Variants in TBC1D8B observed in about 807,000 individuals in gnomAD.
The protein encoded by TBC1D8B is TBC1 domain family member 8B, also known as RP11-321G1.1.
In TBC1D8B, 75 loss-of-function variants were observed where a neutral mutation model predicts 82.9. The observed-to-expected ratio is 0.90, with a 90% CI of 0.75 to 1.10. TBC1D8B has a LOEUF of 1.10. Ranked by LOEUF, TBC1D8B falls within the 50% of genes least tolerant of loss-of-function variation. The pLI is 0.00. For missense variants in TBC1D8B, 794 were observed against 796.9 expected (o/e 1.00, Z 0.04); for synonymous variants, 276 against 276.8 (o/e 1.00, Z 0.03).
At chrX:106,819,586 G>A (rs1931640436) in intron 2 of TBC1D8B, among the ~76,000 whole-genome samples, 1 of 110,841 alleles carries the variant, frequency 9.0e-6, no homozygotes, top group Non-Finnish European at 1.9e-5. Flanking sequence ...ACATTCATAT[G>A]TGTGAACATA....
chrX:106,871,890 G>A (rs1019439560), intron 20 of TBC1D8B, among the ~76,000 whole-genome samples: 1 of 111,767 alleles, frequency 8.9e-6, no homozygotes, highest in African/African-American at 3.3e-5. Flanking sequence ...CACAGGGCGA[G>A]GTCTGGAAGG....
rs368847725 is a variant in TBC1D8B at position 106,850,090 on chromosome X, C to G, written c.1903C>G (p.His635Asp). The change falls in exon 12 of 21, where the codon CAC (histidine) becomes GAC (aspartate). Residue 635 changes from histidine to aspartate, a missense_variant. His to Asp is a moderately conservative substitution (Grantham distance 81, BLOSUM62 -1). Transcript: ENST00000357242. ...IRDHLPQLTE[H>D]MTDMTFFSSV... ...GGATCACCTTCCTCAGCTGACAGAA[C>G]ACATGACTGATATGACATTCTTTTC... 2.5e-6 allele frequency: 3 copies of G among 1,209,559 alleles called. No homozygotes were observed. In the African/African-American group the frequency reaches 5.2e-5, roughly 21 times the overall value.
chrX:106,811,800 G>A (rs1048980570), intron 1 of TBC1D8B, among the ~76,000 whole-genome samples: 13 of 111,444 alleles, frequency 1.2e-4, no homozygotes, highest in African/African-American at 4.2e-4. Flanking sequence ...GTAAGAAGTG[G>A]CTGTAAATAT....
rs954135719 is a variant in TBC1D8B at position 106,875,397 on chromosome X, G to A, written c.*1432G>A. On this transcript the variant is annotated 3_prime_UTR_variant, in exon 21 of 21. Coordinates refer to ENST00000357242, the MANE Select transcript of TBC1D8B (RefSeq NM_017752.3). ...AAAGCTTAACACATGGGGCTTCATC[G>A]CTCATAGAATATGTTATTTTCAAAG... is the stretch of plus-strand genomic sequence containing the variant. The A allele has an allele frequency of 9.0e-6, 1 of 111,730 alleles. No homozygotes were observed. The highest frequency in any genetic ancestry group is 4.3e-3 in the Middle Eastern group (1 of 235). 9.2% of individuals were successfully genotyped at this position (111,730 alleles called of 1,213,427 possible).
At chrX:106,864,673 C>T (rs985432461) in intron 14 of TBC1D8B, among the ~76,000 whole-genome samples, 7 of 110,121 alleles carry the variant, frequency 6.4e-5, no homozygotes, top group Non-Finnish European at 9.5e-5. Context: ...CATACGCCAC[C>T]ACACCTGGCT....
Position 106,850,024 on chromosome X carries a change from G to C in TBC1D8B, c.1838-1G>C, listed in dbSNP as rs1197781814. 8.5e-7 allele frequency: 1 copy of C among 1,179,417 alleles called. No homozygotes were observed. The highest frequency in any genetic ancestry group is 1.1e-6 in the Non-Finnish European group (1 of 881,922). On this transcript the variant is annotated splice_acceptor_variant, in intron 11 of 20. Transcript: ENST00000357242. LOFTEE classifies it high-confidence loss of function. ...TTTAAACTTCTTTTGATATTCTGTAGGTGCCTTGGTGGATCAGGCAGTCTT... is the reference window on the plus strand; with the variant it reads ...TTTAAACTTCTTTTGATATTCTGTACGTGCCTTGGTGGATCAGGCAGTCTT...
At chrX:106,869,843 A>G (rs1174191329) in intron 19 of TBC1D8B, among the ~76,000 whole-genome samples, 2 of 112,172 alleles carry the variant, frequency 1.8e-5, no homozygotes, top group Non-Finnish European at 3.8e-5. Context: ...ATCTATTCCT[A>G]TGTATACACA....
chrX:106,832,140 T>A (rs1932063686), intron 7 of TBC1D8B, among the ~76,000 whole-genome samples: 1 of 110,982 alleles, frequency 9.0e-6, no homozygotes, highest in African/African-American at 3.3e-5. Context: ...TTATTTTAAA[T>A]CTCCAAGAGT....
At chrX:106,867,545 T>G (rs1234002229) in intron 17 of TBC1D8B, among the ~76,000 whole-genome samples, 1 of 111,786 alleles carries the variant, frequency 8.9e-6, no homozygotes, top group Non-Finnish European at 1.9e-5. Context: ...ACCACACCAT[T>G]CAGTTTACTT....
rs1315606057 is a variant in TBC1D8B at position 106,850,080 on chromosome X, G to T, written c.1893G>T (p.Gln631His). The T allele has an allele frequency of 8.3e-7, 1 of 1,208,777 alleles. No homozygotes were observed. The highest frequency in any genetic ancestry group is 1.1e-6 in the Non-Finnish European group (1 of 894,721). Reference protein sequence around the residue: ...FEELIRDHLPQLTEHMTDMTF... With the variant: ...FEELIRDHLPHLTEHMTDMTF... ...AACTTATCAGGGATCACCTTCCTCA[G>T]CTGACAGAACACATGACTGATATGA... Residue 631 changes from glutamine (Q) to histidine (H), a missense_variant, in exon 12 of 21, where the codon CAG becomes CAT. By Grantham distance (24) the Gln-to-His change is conservative. Coordinates refer to ENST00000357242, the MANE Select transcript of TBC1D8B (RefSeq NM_017752.3).
chrX:106,847,154 A>G (rs1226845657), intron 10 of TBC1D8B, among the ~76,000 whole-genome samples: 2 of 111,831 alleles, frequency 1.8e-5, no homozygotes, highest in African/African-American at 6.5e-5. Flanking sequence ...AAAAAAGATA[A>G]CCATTGCAGC....
At chrX:106,859,494 A>T (rs891937578) in intron 14 of TBC1D8B, among the ~76,000 whole-genome samples, 34 of 111,106 alleles carry the variant, frequency 3.1e-4, no homozygotes, top group Admixed American at 8.6e-4. Flanking sequence ...TGAGTTCTTG[A>T]TTTGGCTCTC....
At chrX:106,848,964 A>G (rs1312559436) in intron 11 of TBC1D8B, among the ~76,000 whole-genome samples, 2 of 104,435 alleles carry the variant, frequency 1.9e-5, no homozygotes, top group Admixed American at 1.0e-4. Context: ...TTTTTAGTAG[A>G]GACGGGGTTT....
chrX:106,853,071 C>T (rs1296915016), intron 12 of TBC1D8B, among the ~76,000 whole-genome samples: 2 of 111,453 alleles, frequency 1.8e-5, no homozygotes, highest in Non-Finnish European at 3.8e-5. Context: ...GAATGTTCTT[C>T]TATTTGTTTG....
intron 14 of TBC1D8B, among the ~76,000 whole-genome samples, chrX:106,864,201 A>G (rs1424955039): frequency 2.7e-5 from 3 of 111,098 alleles, no homozygotes; most frequent in Non-Finnish European, 5.7e-5. Flanking sequence ...GAGAGTGGCA[A>G]GTAGGGGGTT....
intron 14 of TBC1D8B, among the ~76,000 whole-genome samples, chrX:106,856,289 AT>A (rs1932695889): frequency 9.0e-6 from 1 of 110,705 alleles, no homozygotes; most frequent in Non-Finnish European, 1.9e-5. Context: ...CCCTAGTCTT[AT>A]TATTTCTTTC....
rs369225590 is a variant in TBC1D8B, at chrX:106,867,441, G to T, written c.2728+579G>T. On this transcript the variant is annotated intron_variant, in intron 17 of 20. Transcript: ENST00000357242. ...CTGAGAGCTGGAAAGATAAAAATTT[G>T]CCAAAGATCACATCGCTAATAAATT... 1.4e-3 allele frequency among the ~76,000 whole-genome samples: 161 copies of T among 111,481 alleles called. 1 individual carries two copies. Among genetic ancestry groups the T allele is most frequent in the African/African-American group, 5.0e-3 (154 of 30,736 alleles).
intron 2 of TBC1D8B, among the ~76,000 whole-genome samples, chrX:106,820,586 T>C: frequency 9.0e-6 from 1 of 111,712 alleles, no homozygotes; most frequent in Non-Finnish European, 1.9e-5. Flanking sequence ...GGTTATTCTT[T>C]AGGCACCAGT....
At chrX:106,822,941 G>A (rs762231297) in intron 4 of TBC1D8B, among the ~76,000 whole-genome samples, 2 of 110,793 alleles carry the variant, frequency 1.8e-5, no homozygotes, top group Non-Finnish European at 3.8e-5. Flanking sequence ...AACCCGGGAG[G>A]TCAAGGCTGT....
Sources: gnomAD v4.1 joint callset for allele counts (sites outside exome capture counted in the v4.1 genomes callset) on GRCh38, gnomAD v4.1.1 for gene constraint, MANE v1.5 for transcripts, NCBI Gene and HGNC (gene_info 2026-07-23, HGNC 2026-07-21) for gene names.